TRDN: variants seen among roughly 807,000 people sequenced by gnomAD.
TRDN encodes triadin.
In TRDN, 161 loss-of-function variants were observed where a neutral mutation model predicts 149.7. The ratio of observed to expected loss-of-function variants is 1.08; its 90% CI spans 0.95 to 1.23. TRDN has a LOEUF of 1.23. Ranked by LOEUF, TRDN falls within the 50% of genes most tolerant of loss-of-function variation. The probability of loss-of-function intolerance (pLI) is 0.00; values close to 1 mark genes in which losing one functional copy is unlikely to be tolerated. For missense variants in TRDN, 896 were observed against 823.5 expected (o/e 1.09, Z -1.08); for synonymous variants, 294 against 250.5 (o/e 1.17, Z -1.64).
intron 9 of TRDN, among the ~76,000 whole-genome samples, chr6:123,492,754 G>T (rs564566160): frequency 1.0e-3 from 158 of 151,980 alleles, no homozygotes; most frequent in African/African-American, 3.6e-3. Context: ...AAAAGAAAAA[G>T]AAAAAAACCC....
intron 12 of TRDN, among the ~76,000 whole-genome samples, chr6:123,417,831 C>T (rs1004310123): frequency 6.6e-6 from 1 of 152,138 alleles, no homozygotes; most frequent in Non-Finnish European, 1.5e-5. Flanking sequence ...GAAGAAGTAG[C>T]CAAAGGAGCA....
intron 32 of TRDN, among the ~76,000 whole-genome samples, chr6:123,265,752 T>C (rs1328118575): frequency 6.8e-6 from 1 of 147,686 alleles, no homozygotes; most frequent in East Asian, 1.9e-4. Context: ...ATACTAATAA[T>C]ATTAATTATT....
Position 123,401,853 on chromosome 6 carries a change from A to T in TRDN, c.1052-8176T>A, listed in dbSNP as rs146759681. ...TTCCAGCTACTAGGAAGGCTGAGGC[A>T]GGAGAATTGCTTGAACCCGGGAGGT... On this transcript the variant is annotated intron_variant, in intron 12 of 40. Transcript: ENST00000334268. Among the ~76,000 whole-genome samples the T allele has an allele frequency of 5.3e-5, 8 of 151,536 alleles. No individual in the cohort carries two copies. The East Asian group carries it at 1.6e-3, about 30-fold the overall frequency.
intron 23 of TRDN, among the ~76,000 whole-genome samples, chr6:123,325,495 T>C (rs1424549089): frequency 1.3e-5 from 2 of 152,130 alleles, no homozygotes; most frequent in Non-Finnish European, 2.9e-5. Flanking sequence ...TGAGTGAAGA[T>C]GACATATGTG....
chr6:123,581,642 C>T (rs1719875221), intron 1 of TRDN, among the ~76,000 whole-genome samples: 2 of 152,026 alleles, frequency 1.3e-5, no homozygotes, highest in South Asian at 2.1e-4. Flanking sequence ...TATGAGAAAA[C>T]GTTGAGATGA....
chr6:123,460,954 G>T (rs568166950), intron 10 of TRDN, among the ~76,000 whole-genome samples: 7 of 151,662 alleles, frequency 4.6e-5, no homozygotes, highest in Non-Finnish European at 8.8e-5. Context: ...ACTTATTTTT[G>T]TGTTTCAGTA....
chr6:123,390,301 A>C (rs902839904), intron 13 of TRDN, among the ~76,000 whole-genome samples: 12 of 152,190 alleles, frequency 7.9e-5, no homozygotes, highest in African/African-American at 2.7e-4. Context: ...AATTCCTTCA[A>C]GATTAGTAAA....
chr6:123,529,281 C>T, intron 5 of TRDN: 1 of 1,548,982 alleles, frequency 6.5e-7, no homozygotes, highest in East Asian at 2.4e-5. Context: ...TACTCAAGAG[C>T]TGTGTCCAAC....
chr6:123,367,919 T>C (rs1461628357), intron 19 of TRDN, among the ~76,000 whole-genome samples: 3 of 152,172 alleles, frequency 2.0e-5, no homozygotes, highest in East Asian at 1.9e-4. Context: ...TTCAGCCTTC[T>C]AGCAGAAAAC....
intron 6 of TRDN, among the ~76,000 whole-genome samples, 159 bp downstream of exon 6, chr6:123,515,982 C>T (rs1183090744): frequency 2.0e-5 from 3 of 152,090 alleles, no homozygotes; most frequent in Non-Finnish European, 2.9e-5. Context: ...TATTTTATTT[C>T]TCTCAATCCA....
intron 12 of TRDN, among the ~76,000 whole-genome samples, chr6:123,419,285 C>T (rs978897529): frequency 6.6e-6 from 1 of 152,104 alleles, no homozygotes; most frequent in Admixed American, 6.6e-5. Context: ...AAATAGAAAT[C>T]TGAGAGGAAC....
At chr6:123,228,912 A>G (rs1775490238) in intron 38 of TRDN, among the ~76,000 whole-genome samples, 1 of 151,842 alleles carries the variant, frequency 6.6e-6, no homozygotes, top group Non-Finnish European at 1.5e-5. Flanking sequence ...CACTTCTAAC[A>G]ATCTACTCTC....
chr6:123,233,696 C>A (rs531356809), intron 38 of TRDN, among the ~76,000 whole-genome samples: 1 of 152,148 alleles, frequency 6.6e-6, no homozygotes, highest in Non-Finnish European at 1.5e-5. Context: ...ATTAAGGAGA[C>A]TTCAGCCAAT....
intron 12 of TRDN, among the ~76,000 whole-genome samples, chr6:123,431,605 T>C (rs181541664): frequency 1.8e-4 from 27 of 152,324 alleles, no homozygotes; most frequent in Admixed American, 1.1e-3. Context: ...AAAAAAGCTA[T>C]AATCTTCTCA....
chr6:123,412,648 T>C lies in TRDN; in HGVS notation c.1052-18971A>G, dbSNP rs138137610. On this transcript the variant is annotated intron_variant, in intron 12 of 40. Coordinates refer to ENST00000334268, the MANE Select transcript of TRDN (RefSeq NM_006073.4). ...CTGTAAGCAAGATGCCTGATCATCA[T>C]TGGTTACATCTCTTTATCAACAGAC... is the stretch of plus-strand genomic sequence containing the variant. Among the ~76,000 whole-genome samples, 409 of 152,278 alleles carry C rather than the reference T, an allele frequency of 2.7e-3. 16 individuals are homozygous for C. The East Asian group carries it at 0.048, about 18-fold the overall frequency.
intron 9 of TRDN, among the ~76,000 whole-genome samples, chr6:123,472,558 C>T (rs955253345): frequency 6.6e-6 from 1 of 152,224 alleles, no homozygotes; most frequent in African/African-American, 2.4e-5. Context: ...AGCCGGGAAG[C>T]TCGAACTGGG....
intron 15 of TRDN, 62 bp downstream of exon 15, chr6:123,382,056 G>A: frequency 8.2e-7 from 1 of 1,223,936 alleles, no homozygotes; most frequent in South Asian, 1.9e-5. Context: ...AATCCTTTAA[G>A]AAGGTATGCT....
At chr6:123,372,944 C>T (rs983403139) in intron 19 of TRDN, among the ~76,000 whole-genome samples, 94 of 152,078 alleles carry the variant, frequency 6.2e-4, no homozygotes, top group African/African-American at 2.1e-3. Flanking sequence ...TGCTGACTTG[C>T]AGAAATTGTC....
At chr6:123,505,049 T>C (rs1778856305) in intron 7 of TRDN, among the ~76,000 whole-genome samples, 1 of 151,902 alleles carries the variant, frequency 6.6e-6, no homozygotes, top group Non-Finnish European at 1.5e-5. Flanking sequence ...ATCAAGACCA[T>C]CCTGGCTAAC....
Sources: gnomAD v4.1 joint callset for allele counts (sites outside exome capture counted in the v4.1 genomes callset) on GRCh38, gnomAD v4.1.1 for gene constraint, MANE v1.5 for transcripts, NCBI Gene and HGNC (gene_info 2026-07-23, HGNC 2026-07-21) for gene names.